The following IGSF3 variants were observed in gnomAD, a reference collection of about 807,000 sequenced individuals.
IGSF3 encodes the protein glu-Trp-Ile EWI motif-containing protein 3.
Under a neutral mutation model 114.4 loss-of-function variants are expected in IGSF3, and 23 were observed. That is an observed-to-expected ratio of 0.20 (90% CI 0.14 to 0.28). The LOEUF is 0.28. Ranked by LOEUF, IGSF3 falls within the 10% of genes least tolerant of loss-of-function variation. The probability of loss-of-function intolerance (pLI) is 1.00; values close to 1 mark genes in which losing one functional copy is unlikely to be tolerated. For missense variants in IGSF3, 1,172 were observed against 1,591.5 expected (o/e 0.74, Z 4.48); for synonymous variants, 571 against 645.2 (o/e 0.88, Z 1.74).
rs1392129422 is a variant in IGSF3, at chr1:116,638,064, T to G, written c.44-21607A>C. On this transcript the variant is annotated intron_variant, in intron 2 of 10. Transcript: ENST00000369486. The surrounding 1 kb of genome is among the most constrained non-coding windows in gnomAD (Gnocchi z 4.1). ...AACTATACTCAATAAACACACCAAC[T>G]TTGATGCCAAATCCCATGCCATCCC... Among the ~76,000 whole-genome samples, 2 of 152,174 alleles carry G rather than the reference T, an allele frequency of 1.3e-5. No homozygotes were observed. The highest frequency in any genetic ancestry group is 1.5e-5 in the Non-Finnish European group (1 of 68,028).
chr1:116,658,283 A>C (rs192154931), intron 2 of IGSF3, among the ~76,000 whole-genome samples: 2 of 151,512 alleles, frequency 1.3e-5, no homozygotes, highest in Non-Finnish European at 2.9e-5. Context: ...CAAGCGATCC[A>C]CCCGCCTCGG....
chr1:116,653,894 G>A (rs1475807383), intron 2 of IGSF3, among the ~76,000 whole-genome samples: 2 of 152,252 alleles, frequency 1.3e-5, no homozygotes, highest in Non-Finnish European at 2.9e-5. Flanking sequence ...GCACTGGGCA[G>A]CGTGCTCAGA....
In IGSF3 at chr1:116,664,807, T is replaced by C. The variant is rs1454347708; in HGVS notation, c.43+1477A>G. Among the ~76,000 whole-genome samples, 1 of 152,152 alleles carries C rather than the reference T, an allele frequency of 6.6e-6. No individual in the cohort carries two copies. The highest frequency in any genetic ancestry group is 2.1e-4 in the South Asian group (1 of 4,828). On this transcript the variant is annotated intron_variant, in intron 2 of 10. Transcript: ENST00000369486. The surrounding 1 kb of genome is among the most constrained non-coding windows in gnomAD (Gnocchi z 4.6). The stretch of plus-strand genomic sequence containing the variant: ...CAGGGTGTCTGCATGCGTTGGGTGG[T>C]AGGGCACTGGCGCTAGTGAACTCAC...
In IGSF3 at chr1:116,641,036, G is replaced by C. The variant is rs192541865; in HGVS notation, c.44-24579C>G. On this transcript the variant is annotated intron_variant, in intron 2 of 10. Transcript: ENST00000369486. ...TTCATTAACACGTGGGAATACACCA[G>C]GTGTTCCTCGGATTTTCTTGAAAAT... Among the ~76,000 whole-genome samples the C allele has an allele frequency of 2.6e-5, 4 of 152,286 alleles. No individual in the cohort carries two copies. In the East Asian group the frequency reaches 7.7e-4, roughly 29 times the overall value.
rs746850956 is a variant in IGSF3, at chr1:116,603,843, C to T, written c.1405G>A (p.Val469Met). ...TCCCAGTAGGACGAGCCTGGCTGCA[C>T]GGTGCCATCCCGGTCTAGCCACATG... ...NIMWLDRDGT[V>M]QPGSSYWERS... is the part of the protein sequence containing the mutation. The change falls in exon 6 of 11, where the codon GTG becomes ATG. Residue 469 changes from valine to methionine, a missense_variant. This residue lies in a region of IGSF3 where 736 missense variants were observed against 1,042.0 expected (regional missense o/e 0.71). Transcript: ENST00000369486. This position sits in a 1 kb window ranked among gnomAD's most constrained non-coding sequence, Gnocchi z 7.1. The T allele has an allele frequency of 3.7e-6, 6 of 1,613,942 alleles. No individual in the cohort carries two copies. The highest frequency in any genetic ancestry group is 2.2e-5 in the East Asian group (1 of 44,860).
chr1:116,626,170 T>C (rs577273052), intron 2 of IGSF3, among the ~76,000 whole-genome samples: 1 of 152,312 alleles, frequency 6.6e-6, no homozygotes, highest in Non-Finnish European at 1.5e-5. Flanking sequence ...TTATCTCTTC[T>C]GACTACTACC....
intron 2 of IGSF3, among the ~76,000 whole-genome samples, chr1:116,630,535 G>C (rs1647526190): frequency 6.6e-6 from 1 of 152,206 alleles, no homozygotes; most frequent in Non-Finnish European, 1.5e-5. Flanking sequence ...GTGGGATACA[G>C]AGTTGGCATC....
At chr1:116,635,536 C>T (rs1647787392) in intron 2 of IGSF3, among the ~76,000 whole-genome samples, 1 of 152,230 alleles carries the variant, frequency 6.6e-6, no homozygotes, top group African/African-American at 2.4e-5. Flanking sequence ...TCAGCCACCT[C>T]CCAGTACATC....
rs1371928473 is a variant in IGSF3, at chr1:116,589,433, G to A, written c.2030-329C>T. Among the ~76,000 whole-genome samples, 1 of 151,998 alleles carries A rather than the reference G, an allele frequency of 6.6e-6. No homozygotes were observed. Among genetic ancestry groups the A allele is most frequent in the Non-Finnish European group, 1.5e-5 (1 of 68,024 alleles). On this transcript the variant is annotated intron_variant, in intron 7 of 10. Transcript: ENST00000369486. The surrounding 1 kb of genome is among the most constrained non-coding windows in gnomAD (Gnocchi z 5.7). ...TCTGCTTGAAAAGTTTAATGGCTCT[G>A]AACTACCTACGGGCCAGAGAGAAAC...
rs1340549830 is a variant in IGSF3 at position 116,614,663 on chromosome 1, A to G, written c.422-488T>C. Among the ~76,000 whole-genome samples, 3 of 152,304 alleles carry G rather than the reference A, an allele frequency of 2.0e-5. No homozygotes were observed. The highest frequency in any genetic ancestry group is 2.9e-5 in the Non-Finnish European group (2 of 68,022). The stretch of plus-strand genomic sequence containing the variant: ...ATCCTGTAACTTACTTCAGCAATGC[A>G]GCCCTAGGAAGATGATTTTTTTAAA... On this transcript the variant is annotated intron_variant, in intron 3 of 10. Coordinates refer to ENST00000369486, the MANE Select transcript of IGSF3 (RefSeq NM_001007237.3). This position sits in a 1 kb window ranked among gnomAD's most constrained non-coding sequence, Gnocchi z 4.5.
At chr1:116,641,603 A>G (rs1648108435) in intron 2 of IGSF3, among the ~76,000 whole-genome samples, 1 of 151,970 alleles carries the variant, frequency 6.6e-6, no homozygotes, top group Non-Finnish European at 1.5e-5. Flanking sequence ...ATAAAGCATC[A>G]GGAGCAAAGA....
At position 116,593,865 on chromosome 1, in the gene IGSF3, A is replaced by G. The variant is rs1207943711; in HGVS notation, c.2030-4761T>C. Among the ~76,000 whole-genome samples the G allele has an allele frequency of 1.3e-5, 2 of 152,200 alleles. No homozygotes were observed. The highest frequency in any genetic ancestry group is 2.9e-5 in the Non-Finnish European group (2 of 68,042). On this transcript the variant is annotated intron_variant, in intron 7 of 10. Coordinates refer to ENST00000369486, the MANE Select transcript of IGSF3 (RefSeq NM_001007237.3). The surrounding 1 kb of genome is among the most constrained non-coding windows in gnomAD (Gnocchi z 4.5). ...TTGATTTGGGGAGGGGTATATATTC[A>G]ATGGAATAAAGCCATTAAAGATGTA... is the stretch of plus-strand genomic sequence containing the variant.
Position 116,577,081 on chromosome 1 carries a change from A to T in IGSF3, c.*231T>A. On this transcript the variant is annotated 3_prime_UTR_variant, in exon 11 of 11. Coordinates refer to ENST00000369486, the MANE Select transcript of IGSF3 (RefSeq NM_001007237.3). This position sits in a 1 kb window ranked among gnomAD's most constrained non-coding sequence, Gnocchi z 5.7. ...CTACATTACTAAAAACAGAAACAAG[A>T]AATCTATAATGGCAGGATCACAACA... is the stretch of plus-strand genomic sequence containing the variant. 1.9e-6 allele frequency: 1 copy of T among 535,386 alleles called. No individual in the cohort carries two copies. Among genetic ancestry groups the T allele is most frequent in the South Asian group, 2.4e-5 (1 of 42,178 alleles). 33.2% of individuals were successfully genotyped at this position (535,386 alleles called of 1,614,324 possible). A position where few individuals can be genotyped will look rare whatever the true frequency, so the allele number is the denominator to read the frequency against.
Position 116,583,480 on chromosome 1 carries a change from C to T in IGSF3, c.2848+1165G>A, listed in dbSNP as rs765945142. 1.3e-5 allele frequency among the ~76,000 whole-genome samples: 2 copies of T among 152,204 alleles called. No individual in the cohort carries two copies. The highest frequency in any genetic ancestry group is 2.9e-5 in the Non-Finnish European group (2 of 68,028). On this transcript the variant is annotated intron_variant, in intron 9 of 10. Transcript: ENST00000369486. The surrounding 1 kb of genome is among the most constrained non-coding windows in gnomAD (Gnocchi z 4.5). Reference sequence around the variant, plus strand: ...TCCTATAACCAAGGCTGCAGTGCCTCCCTGAAGCATGTTCCATGACATAAG... The same window carrying T: ...TCCTATAACCAAGGCTGCAGTGCCTTCCTGAAGCATGTTCCATGACATAAG...
intron 4 of IGSF3, 34 bp from the exon 5 acceptor site, chr1:116,608,365 G>C (rs1228137041): frequency 6.5e-7 from 1 of 1,547,846 alleles, no homozygotes; most frequent in Non-Finnish European, 8.8e-7. Context: ...GACACATCCT[G>C]GGTGAATGAG....
In IGSF3 at chr1:116,661,326, T is replaced by C. The variant is rs1649107384; in HGVS notation, c.43+4958A>G. On this transcript the variant is annotated intron_variant, in intron 2 of 10. Transcript: ENST00000369486. The surrounding 1 kb of genome is among the most constrained non-coding windows in gnomAD (Gnocchi z 4.0). ...TAAAATAACTGAACACCTGCTTACT[T>C]TGCATGGCACAAGGCTGAGTTCTGG... Among the ~76,000 whole-genome samples the C allele has an allele frequency of 6.6e-6, 1 of 152,084 alleles. No individual in the cohort carries two copies. Among genetic ancestry groups the C allele is most frequent in the Admixed American group, 6.6e-5 (1 of 15,256 alleles).
intron 7 of IGSF3, among the ~76,000 whole-genome samples, chr1:116,590,506 A>C (rs1293859377): frequency 6.6e-6 from 1 of 152,246 alleles, no homozygotes; most frequent in Non-Finnish European, 1.5e-5. Flanking sequence ...GCTGAGAAAG[A>C]AAGCAGGGGC....
At position 116,615,805 on chromosome 1, in the gene IGSF3, A is replaced by G. The variant is rs111417400; in HGVS notation, c.421+275T>C. Among the ~76,000 whole-genome samples, 1 of 152,204 alleles carries G rather than the reference A, an allele frequency of 6.6e-6. No homozygotes were observed. The highest frequency in any genetic ancestry group is 2.4e-5 in the African/African-American group (1 of 41,440). On this transcript the variant is annotated intron_variant, in intron 3 of 10. Coordinates refer to ENST00000369486, the MANE Select transcript of IGSF3 (RefSeq NM_001007237.3). The surrounding 1 kb of genome is among the most constrained non-coding windows in gnomAD (Gnocchi z 4.3). The stretch of plus-strand genomic sequence containing the variant: ...CATCAACCACAAACATCCTTGCCTT[A>G]TATTTTCATATCCCTTTTCACCAGT...
chr1:116,611,141 T>G (rs955699783), intron 4 of IGSF3, among the ~76,000 whole-genome samples: 4 of 152,180 alleles, frequency 2.6e-5, no homozygotes, highest in Non-Finnish European at 5.9e-5. Context: ...CTCAACAGAT[T>G]TAATCAACCT....
Sources: allele counts gnomAD v4.1 joint callset (sites outside exome capture counted in the v4.1 genomes callset), GRCh38; gene constraint gnomAD v4.1.1; regional missense constraint gnomAD v4.1.1; non-coding constraint Gnocchi (gnomAD v3.1); transcripts MANE v1.5; gene names NCBI Gene and HGNC (gene_info 2026-07-23, HGNC 2026-07-21).